The following STK4 variants were observed in gnomAD, a reference collection of about 807,000 sequenced individuals.
The protein encoded by STK4 is serine/threonine kinase 4, also known as serine/threonine-protein kinase 4.
STK4 carries 30 observed loss-of-function variants against 64.9 expected under a neutral mutation model. The observed-to-expected ratio is 0.46, with a 90% confidence interval of 0.35 to 0.63. STK4 has a LOEUF of 0.63. STK4 is among the 20% of genes least tolerant of loss of function. The pLI is 0.01. For synonymous variants in STK4, 177 were observed against 199.0 expected, an observed-to-expected ratio of 0.89 and a Z score of 0.93; for missense variants, 466 against 598.5, an observed-to-expected ratio of 0.78 and a Z score of 2.31.
intron 9 of STK4, among the ~76,000 whole-genome samples, chr20:45,008,118 G>A (rs1190625463): frequency 6.6e-6 from 1 of 152,120 alleles, no homozygotes; most frequent in Non-Finnish European, 1.5e-5. Context: ...GCGTTGGCAC[G>A]ACCTCGACTC....
At chr20:44,968,084 A>G (rs1038585429) in intron 1 of STK4, among the ~76,000 whole-genome samples, 3 of 152,164 alleles carry the variant, frequency 2.0e-5, no homozygotes, top group African/African-American at 4.8e-5. Flanking sequence ...AAGTCATAGC[A>G]AGTAAGAGAC....
intron 1 of STK4, among the ~76,000 whole-genome samples, chr20:44,970,965 C>G (rs911423564): frequency 6.8e-6 from 1 of 147,200 alleles, no homozygotes; most frequent in Admixed American, 6.9e-5. Flanking sequence ...TCCAGCTAGT[C>G]TAAACCTTTT....
intron 10 of STK4, among the ~76,000 whole-genome samples, chr20:45,044,570 C>T (rs2068663829): frequency 6.6e-6 from 1 of 152,056 alleles, no homozygotes; most frequent in South Asian, 2.1e-4. Context: ...GGGAGGCTTG[C>T]TTGAACCCGG....
chr20:45,073,967 A>G (rs1244262536), intron 10 of STK4, among the ~76,000 whole-genome samples: 1 of 152,244 alleles, frequency 6.6e-6, no homozygotes, highest in Non-Finnish European at 1.5e-5. Context: ...AGAGATTGGT[A>G]ACTTGACAGA....
At chr20:44,982,087 T>C in intron 4 of STK4, 144 bp downstream of exon 4, 1 of 653,136 alleles carries the variant, frequency 1.5e-6, no homozygotes. Context: ...CTTTATTCTT[T>C]TATGTCTCCT....
chr20:44,967,160 G>A, intron 1 of STK4: 1 of 985,364 alleles, frequency 1.0e-6, no homozygotes. Context: ...CATTTCAGAG[G>A]ATGCTGTTGG....
chr20:45,018,834 C>A (rs1409242704), intron 9 of STK4, among the ~76,000 whole-genome samples: 2 of 151,202 alleles, frequency 1.3e-5, no homozygotes, highest in Non-Finnish European at 2.9e-5. Flanking sequence ...CTCAAGTGAT[C>A]CTTCTGCCTT....
chr20:45,024,960 T>A lies in STK4; in HGVS notation c.1148-13T>A. ...AATGTTTCTTTTCATTTTTCATTTT[T>A]CTTTGTTTTCAGGAAGGGATGAGAC... On this transcript the variant is annotated splice_polypyrimidine_tract_variant and intron_variant, in intron 9 of 10. Coordinates refer to ENST00000372806, the MANE Select transcript of STK4 (RefSeq NM_006282.5). 1 of 1,543,980 alleles carries A rather than the reference T, an allele frequency of 6.5e-7. No individual in the cohort carries two copies. The highest frequency in any genetic ancestry group is 8.7e-7 in the Non-Finnish European group (1 of 1,148,886).
In STK4 at chr20:44,966,530, T is replaced by G. The variant is rs1182239922; in HGVS notation, c.-39T>G. On this transcript the variant is annotated 5_prime_UTR_variant, in exon 1 of 11. An upstream start codon of the reference 5' UTR is lost. Transcript: ENST00000372806. ...CGGGCTCAGGAGGTCCGCGGGAGGA[T>G]GGAGCAGTGAGCGGGTCTGGGCGGC... is the stretch of plus-strand genomic sequence containing the variant. 1.6e-6 allele frequency: 2 copies of G among 1,257,434 alleles called. No homozygotes were observed. Among genetic ancestry groups the G allele is most frequent in the African/African-American group, 1.6e-5 (1 of 64,438 alleles). 77.9% of individuals were successfully genotyped at this position (1,257,434 alleles called of 1,614,324 possible).
intron 9 of STK4, among the ~76,000 whole-genome samples, chr20:45,006,015 T>G (rs1215628766): frequency 6.6e-6 from 1 of 151,814 alleles, no homozygotes; most frequent in African/African-American, 2.4e-5. Flanking sequence ...TCTAGATGAT[T>G]TACTTTTTTC....
intron 3 of STK4, among the ~76,000 whole-genome samples, chr20:44,979,518 A>G (rs560985894): frequency 3.3e-5 from 5 of 152,162 alleles, no homozygotes; most frequent in Non-Finnish European, 7.4e-5. Flanking sequence ...CCCCAGCACT[A>G]TTTAGATTAG....
chr20:45,000,290 T>C lies in STK4; in HGVS notation c.832-102T>C, dbSNP rs536466229. 5.0e-4 allele frequency: 693 copies of C among 1,391,712 alleles called. 2 individuals carry two copies. Among genetic ancestry groups the C allele is most frequent in the South Asian group, 2.0e-3 (133 of 66,942 alleles). 86.2% of individuals were successfully genotyped at this position (1,391,712 alleles called of 1,614,324 possible). ...CAAAGAGAAAGATCAGATTCGTTGA[T>C]TGATTCAACACATGTTATCCAGTAC... On this transcript the variant is annotated intron_variant, in intron 7 of 10. Transcript: ENST00000372806.
intron 10 of STK4, among the ~76,000 whole-genome samples, chr20:45,071,861 G>A (rs1980095884): frequency 6.6e-6 from 1 of 152,060 alleles, no homozygotes; most frequent in African/African-American, 2.4e-5. Context: ...CTTGGAGTGG[G>A]CTCAAGCGAT....
At chr20:44,986,730 A>C (rs2067536656) in intron 4 of STK4, among the ~76,000 whole-genome samples, 1 of 152,230 alleles carries the variant, frequency 6.6e-6, no homozygotes, top group African/African-American at 2.4e-5. Context: ...TTGAAGATAG[A>C]GAAAAGTCAA....
chr20:45,009,576 A>G (rs180811463), intron 9 of STK4, among the ~76,000 whole-genome samples: 1 of 152,274 alleles, frequency 6.6e-6, no homozygotes, highest in East Asian at 1.9e-4. Flanking sequence ...GAAGAATGTC[A>G]TTGGCAATTT....
At chr20:44,984,003 A>G (rs889736018) in intron 4 of STK4, among the ~76,000 whole-genome samples, 1 of 152,078 alleles carries the variant, frequency 6.6e-6, no homozygotes, top group Non-Finnish European at 1.5e-5. Context: ...TTATTGAATT[A>G]AACATTGGAT....
chr20:44,987,087 G>A lies in STK4; in HGVS notation c.361-45G>A, dbSNP rs201114222. The A allele has an allele frequency of 1.1e-4, 168 of 1,465,040 alleles. 1 individual carries two copies. The East Asian group carries it at 3.3e-3, about 29-fold the overall frequency. 90.8% of individuals were successfully genotyped at this position (1,465,040 alleles called of 1,614,324 possible). ...TGATTTTTTCTCCTTTTTCTAATGC[G>A]CTGATGTAAACTGATAGAATTTGAA... is the stretch of plus-strand genomic sequence containing the variant. On this transcript the variant is annotated intron_variant, in intron 4 of 10. Transcript: ENST00000372806.
intron 10 of STK4, among the ~76,000 whole-genome samples, chr20:45,036,989 G>A (rs576604701): frequency 2.0e-5 from 3 of 152,148 alleles, no homozygotes; most frequent in Admixed American, 2.0e-4. Flanking sequence ...GGAGGTGGTT[G>A]ACTACAGTTA....
intron 9 of STK4, among the ~76,000 whole-genome samples, chr20:45,014,571 A>T (rs2068108543): frequency 6.6e-6 from 1 of 152,228 alleles, no homozygotes; most frequent in Admixed American, 6.5e-5. Flanking sequence ...AAGATAACAA[A>T]AACATTTTGG....
Sources: allele counts gnomAD v4.1 joint callset (sites outside exome capture counted in the v4.1 genomes callset), GRCh38; gene constraint gnomAD v4.1.1; transcripts MANE v1.5; gene names NCBI Gene and HGNC (gene_info 2026-07-23, HGNC 2026-07-21).